The following MPC2 variants were observed in gnomAD, a reference collection of about 807,000 sequenced individuals.
MPC2 encodes mitochondrial pyruvate carrier 2, also known as brain protein 44.
A neutral mutation model predicts 19.2 loss-of-function variants in MPC2; 19 were observed. That is an observed-to-expected ratio of 0.99 (90% CI 0.69 to 1.45). The LOEUF (loss-of-function observed/expected upper bound fraction) is 1.45, where lower values mean the gene tolerates loss of function less well. Among genes scored for constraint, MPC2 ranks in the 40% most tolerant of loss-of-function variants. MPC2 has a pLI of 0.00. For missense variants in MPC2, 122 were observed against 153.0 expected (o/e 0.80, Z 1.07); for synonymous variants, 61 against 54.3 (o/e 1.12, Z -0.54).
At chr1:167,936,322 G>A (rs1411432810) in intron 1 of MPC2, 1 of 185,308 alleles carries the variant, frequency 5.4e-6, no homozygotes, top group Non-Finnish European at 1.1e-5. Flanking sequence ...TGATTAAGCA[G>A]GCCCGTAGTT....
rs957046653 is a variant in MPC2, at chr1:167,917,733, T to C, written c.*590A>G. ...TAATTGAAAAATTTAACACTTATCA[T>C]GGACCAGGCACTATGTTAAAACATT... is the stretch of plus-strand genomic sequence containing the variant. On this transcript the variant is annotated 3_prime_UTR_variant, in exon 6 of 6. Transcript: ENST00000271373. 1 of 152,226 alleles carries C rather than the reference T, an allele frequency of 6.6e-6. No individual in the cohort carries two copies. Among genetic ancestry groups the C allele is most frequent in the Non-Finnish European group, 1.5e-5 (1 of 68,062 alleles). The allele number at this position is 152,226 out of a possible 1,614,324, so 9.4% of individuals were successfully genotyped here. A position where few individuals can be genotyped will look rare whatever the true frequency, so the allele number is the denominator to read the frequency against.
Position 167,937,037 on chromosome 1 carries a change from T to C in MPC2, c.-156A>G, listed in dbSNP as rs546342887. On this transcript the variant is annotated 5_prime_UTR_variant, in exon 1 of 6. Transcript: ENST00000271373. ...AGCGGGGGCCCCGGGGCGGAGGCGC[T>C]GAGGTCGCCGCCTAGAGTGGGGGAG... The C allele has an allele frequency of 3.8e-6, 6 of 1,576,388 alleles. No homozygotes were observed. Among genetic ancestry groups the C allele is most frequent in the Non-Finnish European group, 4.3e-6 (5 of 1,156,054 alleles).
chr1:167,919,913 A>C lies in MPC2; in HGVS notation c.347+66T>G, dbSNP rs1402824221. ...ACAGAGCGAGACCCCGTCTCAAAAA[A>C]AAAAAAAATTAGTGCCATCTAAGTA... On this transcript the variant is annotated intron_variant, in intron 5 of 5. Transcript: ENST00000271373. 6 of 1,254,118 alleles carry C rather than the reference A, an allele frequency of 4.8e-6. 1 individual carries two copies. The Admixed American group carries it at 1.2e-4, about 24-fold the overall frequency. The allele number at this position is 1,254,118 out of a possible 1,614,324, so 77.7% of individuals were successfully genotyped here.
At chr1:167,924,639 C>G in intron 2 of MPC2, 102 bp from the exon 3 acceptor site, 2 of 842,402 alleles carry the variant, frequency 2.4e-6, no homozygotes, top group Non-Finnish European at 3.6e-6. Context: ...GATTTATCAA[C>G]CTATTTTTAA....
At chr1:167,919,921 AT>A in intron 5 of MPC2, 57 bp downstream of exon 5, 6 of 1,298,204 alleles carry the variant, frequency 4.6e-6, no homozygotes, top group East Asian at 2.4e-5. Flanking sequence ...AAAAAAAAAA[AT>A]TAGTGCCATC....
At chr1:167,924,188 A>G (rs1164250670) in intron 3 of MPC2, among the ~76,000 whole-genome samples, 4 of 152,180 alleles carry the variant, frequency 2.6e-5, no homozygotes, top group Non-Finnish European at 5.9e-5. Context: ...TGGGGGTTCT[A>G]ACTAGCTTAA....
chr1:167,935,411 A>T (rs1571525934), intron 2 of MPC2, among the ~76,000 whole-genome samples: 1 of 152,218 alleles, frequency 6.6e-6, no homozygotes, highest in African/African-American at 2.4e-5. Flanking sequence ...TGAGTGTTTC[A>T]TGGTGGCCCC....
chr1:167,937,023 C>G lies in MPC2; in HGVS notation c.-142G>C, dbSNP rs1266780152. ...TCGCTACCTGGGTGAGCGGGGGCCC[C>G]GGGGCGGAGGCGCTGAGGTCGCCGC... On this transcript the variant is annotated 5_prime_UTR_variant, in exon 1 of 6. Coordinates refer to ENST00000271373, the MANE Select transcript of MPC2 (RefSeq NM_001143674.4). The G allele has an allele frequency of 3.7e-6, 6 of 1,600,104 alleles. No homozygotes were observed. Among genetic ancestry groups the G allele is most frequent in the Non-Finnish European group, 5.1e-6 (6 of 1,173,686 alleles).
At chr1:167,919,723 A>G (rs1670552524) in intron 5 of MPC2, among the ~76,000 whole-genome samples, 1 of 152,218 alleles carries the variant, frequency 6.6e-6, no homozygotes, top group Non-Finnish European at 1.5e-5. Flanking sequence ...AAAACTAGGT[A>G]ACATACTGCT....
chr1:167,926,620 A>ATGC (rs200633385), intron 2 of MPC2, among the ~76,000 whole-genome samples: 1 of 152,138 alleles, frequency 6.6e-6, no homozygotes, highest in South Asian at 2.1e-4. Context: ...ACTGCTGCAG[A>ATGC]TGCTGCTGCT....
At chr1:167,922,318 C>G (rs1403037188) in intron 3 of MPC2, among the ~76,000 whole-genome samples, 12 of 151,980 alleles carry the variant, frequency 7.9e-5, no homozygotes, top group Admixed American at 5.2e-4. Context: ...TATCTCACAA[C>G]AGTAATGAAC....
At chr1:167,925,767 T>C (rs1336336460) in intron 2 of MPC2, among the ~76,000 whole-genome samples, 5 of 151,916 alleles carry the variant, frequency 3.3e-5, no homozygotes, top group Admixed American at 2.0e-4. Flanking sequence ...CAGGCTGGTC[T>C]CAAACTCCTG....
chr1:167,928,144 C>G (rs532678454), intron 2 of MPC2, among the ~76,000 whole-genome samples: 2 of 152,086 alleles, frequency 1.3e-5, no homozygotes, highest in South Asian at 4.1e-4. Context: ...GTCAGAAGAT[C>G]GAGACCATCC....
intron 2 of MPC2, among the ~76,000 whole-genome samples, chr1:167,932,704 G>A (rs1670942957): frequency 6.6e-6 from 1 of 151,312 alleles, no homozygotes; most frequent in Non-Finnish European, 1.5e-5. Flanking sequence ...AGCTACTCAG[G>A]AGGCTGAGGC....
intron 1 of MPC2, 70 bp downstream of exon 1, chr1:167,936,869 C>T (rs1253196577): frequency 6.7e-7 from 1 of 1,503,634 alleles, no homozygotes; most frequent in Non-Finnish European, 9.1e-7. Context: ...TCCTCCCCTC[C>T]CCCACGCGGT....
Position 167,924,382 on chromosome 1 carries a change from T to C in MPC2, c.150+115A>G, listed in dbSNP as rs534151965. Reference sequence around the variant, plus strand: ...TGAGAATATTTGCCATGAAATCATCTAGAGGCATACCAAGAATACTCTAAA... The same window carrying C: ...TGAGAATATTTGCCATGAAATCATCCAGAGGCATACCAAGAATACTCTAAA... On this transcript the variant is annotated intron_variant, in intron 3 of 5. Transcript: ENST00000271373. The C allele has an allele frequency of 6.4e-6, 5 of 785,936 alleles. No individual in the cohort carries two copies. In the East Asian group the frequency reaches 8.4e-5, roughly 13 times the overall value. The allele number at this position is 785,936 out of a possible 1,614,324, so 48.7% of individuals were successfully genotyped here. A position where few individuals can be genotyped will look rare whatever the true frequency, so the allele number is the denominator to read the frequency against.
chr1:167,918,594 CT>C (rs200327028), intron 5 of MPC2, among the ~76,000 whole-genome samples: 28,550 of 132,936 alleles, frequency 0.21, 2,757 homozygotes, highest in Admixed American at 0.36. Flanking sequence ...CTGCCAAAAA[CT>C]TTTTTTTTTT....
intron 2 of MPC2, among the ~76,000 whole-genome samples, chr1:167,933,281 C>T (rs1233890006): frequency 6.6e-6 from 1 of 151,928 alleles, no homozygotes; most frequent in East Asian, 1.9e-4. Flanking sequence ...GATTCTCCCG[C>T]CTCAGCCTCC....
intron 2 of MPC2, among the ~76,000 whole-genome samples, chr1:167,927,683 A>AATAT (rs1200159686): frequency 9.5e-6 from 1 of 105,612 alleles, no homozygotes; most frequent in Non-Finnish European, 1.8e-5. Context: ...CTTTGGGGTT[A>AATAT]ATAGTCGATC....
Sources: gnomAD v4.1 joint callset for allele counts (sites outside exome capture counted in the v4.1 genomes callset) on GRCh38, gnomAD v4.1.1 for gene constraint, MANE v1.5 for transcripts, NCBI Gene and HGNC (gene_info 2026-07-23, HGNC 2026-07-21) for gene names.